Variants in SLC4A5 observed in about 807,000 individuals in gnomAD.
SLC4A5 encodes solute carrier family 4 member 5.
A neutral mutation model predicts 120.4 loss-of-function variants in SLC4A5; 96 were observed. The observed-to-expected ratio is 0.80, with a 90% confidence interval of 0.68 to 0.94. The LOEUF (loss-of-function observed/expected upper bound fraction) is 0.94, where lower values mean the gene tolerates loss of function less well. SLC4A5 is among the 40% of genes least tolerant of loss of function. The pLI is 0.00. For synonymous variants in SLC4A5, 550 were observed against 571.1 expected, an observed-to-expected ratio of 0.96 and a Z score of 0.53; for missense variants, 1,259 against 1,459.5, an observed-to-expected ratio of 0.86 and a Z score of 2.24.
In SLC4A5 at chr2:74,255,738, TG is replaced by T; in HGVS notation, c.1025+36del. On this transcript the variant is annotated intron_variant, in intron 13 of 30. Transcript: ENST00000394019. This position sits in a 1 kb window ranked among gnomAD's most constrained non-coding sequence, Gnocchi z 4.0. ...CTGACTGCACTGCTGACTGGCTACC[TG>T]AGAGTGGCGTGGGGACAGGTTTCAA... is the stretch of plus-strand genomic sequence containing the variant. 1 of 1,610,410 alleles carries T rather than the reference TG, an allele frequency of 6.2e-7. No homozygotes were observed. Among genetic ancestry groups the T allele is most frequent in the Non-Finnish European group, 8.5e-7 (1 of 1,177,116 alleles).
chr2:74,217,624 G>A (rs1694486749), exon 31 of SLC4A5: 1 of 152,078 alleles, frequency 6.6e-6, no homozygotes, highest in Non-Finnish European at 1.5e-5. Context: ...CTAATTTAAA[G>A]GATCATTTTG....
At position 74,307,610 on chromosome 2, in the gene SLC4A5, C is replaced by T. The variant is rs747576143; in HGVS notation, c.80-2930G>A. ...TTGCGAAGATCTGAGCGCTCATGTC[C>T]TCAATGGTCTTGAAGTAATGGCTCC... On this transcript the variant is annotated intron_variant, in intron 6 of 30. Coordinates refer to ENST00000394019, the Ensembl canonical transcript of SLC4A5. 6 of 814,460 alleles carry T rather than the reference C, an allele frequency of 7.4e-6. No individual in the cohort carries two copies. The East Asian group carries it at 8.4e-5, about 11-fold the overall frequency. 50.5% of individuals were successfully genotyped at this position (814,460 alleles called of 1,614,324 possible). A position where few individuals can be genotyped will look rare whatever the true frequency, so the allele number is the denominator to read the frequency against.
chr2:74,338,149 C>A (rs1219104465), intron 3 of SLC4A5, among the ~76,000 whole-genome samples: 1 of 152,068 alleles, frequency 6.6e-6, no homozygotes, highest in Non-Finnish European at 1.5e-5. Context: ...GATGGAGCAG[C>A]TAAGGATAAT....
chr2:74,223,236 C>T (rs890890014), intron 28 of SLC4A5, among the ~76,000 whole-genome samples: 2 of 152,072 alleles, frequency 1.3e-5, no homozygotes, highest in African/African-American at 4.8e-5. Flanking sequence ...GAACTCCTGA[C>T]CTTGTGATCC....
At chr2:74,276,441 T>A (rs1671641886) in intron 8 of SLC4A5, among the ~76,000 whole-genome samples, 1 of 152,194 alleles carries the variant, frequency 6.6e-6, no homozygotes. Context: ...AGTTAGAGCT[T>A]CCACCTTTCC....
intron 30 of SLC4A5, 125 bp downstream of exon 30, chr2:74,221,309 T>C (rs779525152): frequency 9.3e-5 from 60 of 644,470 alleles, no homozygotes; most frequent in Non-Finnish European, 1.4e-4. Flanking sequence ...TGACTCCCAG[T>C]TGGGGGCCAG....
intron 5 of SLC4A5, among the ~76,000 whole-genome samples, 188 bp downstream of exon 5, chr2:74,327,932 T>C (rs1225983116): frequency 6.6e-6 from 1 of 152,172 alleles, no homozygotes; most frequent in Non-Finnish European, 1.5e-5. Flanking sequence ...ATAAAAACAG[T>C]ATAATTTTTA....
intron 7 of SLC4A5, among the ~76,000 whole-genome samples, chr2:74,296,510 C>A (rs1455866404): frequency 1.3e-5 from 2 of 151,442 alleles, no homozygotes; most frequent in Non-Finnish European, 2.9e-5. Flanking sequence ...CGTCTGTAAT[C>A]CTAGCACTTT....
Position 74,231,324 on chromosome 2 carries a change from A to G in SLC4A5, c.2775-16T>C, listed in dbSNP as rs1670073635. 6.2e-7 allele frequency: 1 copy of G among 1,608,520 alleles called. No homozygotes were observed. Among genetic ancestry groups the G allele is most frequent in the Admixed American group, 1.7e-5 (1 of 59,566 alleles). The stretch of plus-strand genomic sequence containing the variant: ...TCTCTGTTCCCTGGCAGAGAAGAAC[A>G]CATGGTCAGGGTGTACCAGGAAATG... On this transcript the variant is annotated splice_polypyrimidine_tract_variant and intron_variant, in intron 24 of 30. Coordinates refer to ENST00000394019, the Ensembl canonical transcript of SLC4A5.
chr2:74,271,420 C>A (rs1036333936), intron 8 of SLC4A5, among the ~76,000 whole-genome samples: 1 of 152,148 alleles, frequency 6.6e-6, no homozygotes, highest in Non-Finnish European at 1.5e-5. Context: ...CAGTTGACAT[C>A]AGAATAAAAA....
chr2:74,227,066 C>T (rs140742277), exon 27 of SLC4A5: 46 of 1,613,972 alleles, frequency 2.9e-5, no homozygotes, highest in Non-Finnish European at 3.8e-5. Context: ...CGGCACGTGC[C>T]GCAGGAAGGC....
intron 5 of SLC4A5, among the ~76,000 whole-genome samples, chr2:74,321,802 T>C (rs1461912461): frequency 6.6e-6 from 1 of 151,724 alleles, no homozygotes; most frequent in Non-Finnish European, 1.5e-5. Context: ...TCACCTTCCC[T>C]AGGCTCAGGC....
chr2:74,324,811 C>T (rs969060916), intron 5 of SLC4A5, among the ~76,000 whole-genome samples: 3 of 152,156 alleles, frequency 2.0e-5, no homozygotes, highest in Admixed American at 1.3e-4. Context: ...GCCACAGAGA[C>T]TGGTTCAGGA....
intron 2 of SLC4A5, among the ~76,000 whole-genome samples, chr2:74,341,076 G>A (rs1673612932): frequency 6.6e-6 from 1 of 152,096 alleles, no homozygotes; most frequent in Admixed American, 6.5e-5. Flanking sequence ...AGGCCGAGGT[G>A]GGTGGATCGC....
rs370231521 is a variant in SLC4A5 at position 74,258,086 on chromosome 2, T to C, written c.867+1502A>G. On this transcript the variant is annotated intron_variant, in intron 12 of 30. Coordinates refer to ENST00000394019, the Ensembl canonical transcript of SLC4A5. ...CCTGCTGACTCCACTTCCTGAACCC[T>C]TGGGGACTCCAATCTGGCTCTGCAC... 3.9e-5 allele frequency among the ~76,000 whole-genome samples: 6 copies of C among 152,306 alleles called. No individual in the cohort carries two copies. In the East Asian group the frequency reaches 1.2e-3, roughly 29 times the overall value.
At chr2:74,307,131 A>G in intron 6 of SLC4A5, 1 of 553,924 alleles carries the variant, frequency 1.8e-6, no homozygotes, top group Non-Finnish European at 3.4e-6. Context: ...CAGTTTCATG[A>G]GCATCATCTC....
At chr2:74,264,201 T>C (rs1671229164) in exon 10 of SLC4A5, 1 of 1,614,224 alleles carries the variant, frequency 6.2e-7, no homozygotes, top group Non-Finnish European at 8.5e-7. Context: ...ATGGGCTTCT[T>C]GGTTTGGTGG....
At chr2:74,246,891 C>G (rs1293127780) in intron 19 of SLC4A5, 145 bp downstream of exon 19, 3 of 1,090,906 alleles carry the variant, frequency 2.8e-6, no homozygotes, top group African/African-American at 1.6e-5. Context: ...ACACTGGGTT[C>G]AAGACCCTGT....
At position 74,255,875 on chromosome 2, in the gene SLC4A5, C is replaced by G; in HGVS notation, c.925G>C (p.Val309Leu). The G allele has an allele frequency of 6.2e-7, 1 of 1,614,182 alleles. No homozygotes were observed. Among genetic ancestry groups the G allele is most frequent in the Non-Finnish European group, 8.5e-7 (1 of 1,180,032 alleles). ...TGGTCTAGGAAGTCCACCTCGCCCA[C>G]GAGCACGTTGGACGCTTCTGAGTCC... Residue 309 changes from valine to leucine, a missense_variant, in exon 13 of 31, where the codon GTG becomes CTG. Transcript: ENST00000394019. The surrounding 1 kb of genome is among the most constrained non-coding windows in gnomAD (Gnocchi z 4.0).
Sources: gnomAD v4.1 joint callset for allele counts (sites outside exome capture counted in the v4.1 genomes callset) on GRCh38, gnomAD v4.1.1 for gene constraint, Gnocchi (gnomAD v3.1) non-coding constraint, MANE v1.5 for transcripts, NCBI Gene and HGNC (gene_info 2026-07-23, HGNC 2026-07-21) for gene names.